Variants in VSIG8 observed in about 807,000 individuals in gnomAD.
VSIG8 encodes the protein V-set and immunoglobulin domain containing 8.
Under a neutral mutation model 42.6 loss-of-function variants are expected in VSIG8, and 32 were observed. The observed-to-expected ratio is 0.75, with a 90% CI of 0.57 to 1.01. VSIG8 has a LOEUF of 1.01. Among genes scored for constraint, VSIG8 ranks in the 50% least tolerant of loss-of-function variants. The probability of loss-of-function intolerance (pLI) is 0.00; values close to 1 mark genes in which losing one functional copy is unlikely to be tolerated. For synonymous variants in VSIG8, 290 were observed against 243.8 expected (o/e 1.19, Z -1.77); for missense variants, 529 against 558.0 (o/e 0.95, Z 0.52).
Position 159,856,062 on chromosome 1 carries a change from C to T in VSIG8, c.792G>A (p.Val264=). Residue 264 remains valine, a synonymous_variant, in exon 6 of 7, where the codon GTG becomes GTA. Transcript: ENST00000368100. ...GAGAGCCCAGGACGATGCCGATGATCACGCCTATACGCCGGGAGTCTGTGG... is the reference window on the plus strand; with the variant it reads ...GAGAGCCCAGGACGATGCCGATGATTACGCCTATACGCCGGGAGTCTGTGG... The part of the protein sequence containing the change: ...VKVSDSRRIG[V]IIGIVLGSLL... 6.2e-7 allele frequency: 1 copy of T among 1,612,040 alleles called. No homozygotes were observed. Among genetic ancestry groups the T allele is most frequent in the Non-Finnish European group, 8.5e-7 (1 of 1,179,300 alleles).
At chr1:159,855,597 A>G in intron 6 of VSIG8, 1 of 985,082 alleles carries the variant, frequency 1.0e-6, no homozygotes, top group Non-Finnish European at 1.2e-6. Flanking sequence ...AAACGTGAAA[A>G]AACATAGGCC....
At chr1:159,856,211 C>T in intron 5 of VSIG8, 130 bp from the exon 6 acceptor site, 1 of 934,086 alleles carries the variant, frequency 1.1e-6, no homozygotes, top group Non-Finnish European at 1.6e-6. Context: ...TCTCTTAGCC[C>T]TGGAACACCC....
At chr1:159,858,409 A>G in intron 2 of VSIG8, 118 bp from the exon 3 acceptor site, 1 of 1,029,464 alleles carries the variant, frequency 9.7e-7, no homozygotes, top group East Asian at 2.5e-5. Flanking sequence ...AGCTGAAAAA[A>G]TGAGAATAAT....
intron 6 of VSIG8, chr1:159,855,439 C>T: frequency 1.4e-6 from 2 of 1,416,712 alleles, no homozygotes; most frequent in African/African-American, 1.5e-5. Context: ...TCTTTCCCTC[C>T]ATCCCCGAGG....
chr1:159,858,463 TGA>T (rs1261562780), intron 2 of VSIG8, among the ~76,000 whole-genome samples, 172 bp from the exon 3 acceptor site: 6 of 152,152 alleles, frequency 3.9e-5, no homozygotes, highest in Admixed American at 3.9e-4. Flanking sequence ...TGAGATCAGG[TGA>T]GATCAAGCAC....
At chr1:159,855,128 G>A in intron 6 of VSIG8, 102 bp from the exon 7 acceptor site, 1 of 1,551,230 alleles carries the variant, frequency 6.4e-7, no homozygotes, top group Non-Finnish European at 8.7e-7. Flanking sequence ...CTTGTCTCCC[G>A]CGCCTCCCTC....
In VSIG8 at chr1:159,858,073, G is replaced by A; in HGVS notation, c.430+17C>T. 4 of 1,614,194 alleles carry A rather than the reference G, an allele frequency of 2.5e-6. No individual in the cohort carries two copies. Among genetic ancestry groups the A allele is most frequent in the East Asian group, 4.5e-5 (2 of 44,890 alleles). ...CTTAAGCCAGGGGGAGAGGAGCTTAGAGGAGTCTGGCCATACCTTGGACAG... is the reference window on the plus strand; with the variant it reads ...CTTAAGCCAGGGGGAGAGGAGCTTAAAGGAGTCTGGCCATACCTTGGACAG... On this transcript the variant is annotated intron_variant, in intron 3 of 6. Coordinates refer to ENST00000368100, the MANE Select transcript of VSIG8 (RefSeq NM_001013661.1).
intron 4 of VSIG8, 35 bp from the exon 5 acceptor site, chr1:159,856,678 G>A: frequency 6.2e-7 from 1 of 1,608,838 alleles, no homozygotes; most frequent in South Asian, 1.1e-5. Flanking sequence ...TGGTCTCTGA[G>A]AGCTCCCACC....
In VSIG8 at chr1:159,854,355, C is replaced by T. The variant is rs1160785841; in HGVS notation, c.*398G>A. 1.0e-5 allele frequency: 2 copies of T among 194,310 alleles called. No individual in the cohort carries two copies. The highest frequency in any genetic ancestry group is 2.1e-5 in the Non-Finnish European group (2 of 95,852). 12.0% of individuals were successfully genotyped at this position (194,310 alleles called of 1,614,324 possible). ...TTCTTTATTGTGCTAACACTGCTGC[C>T]TCAGAGCTCAGACCTCACACACAGA... On this transcript the variant is annotated 3_prime_UTR_variant, in exon 7 of 7. Coordinates refer to ENST00000368100, the MANE Select transcript of VSIG8 (RefSeq NM_001013661.1).
In VSIG8 at chr1:159,857,618, G is replaced by A. The variant is rs904507911; in HGVS notation, c.652+127C>T. ...TAGCAGCTGCTGGGGCAGGCCCAGA[G>A]GGAGGGTCTCCCACAGGGATTCCAG... On this transcript the variant is annotated intron_variant, in intron 4 of 6. Coordinates refer to ENST00000368100, the MANE Select transcript of VSIG8 (RefSeq NM_001013661.1). 6.9e-6 allele frequency: 5 copies of A among 719,796 alleles called. No homozygotes were observed. In the East Asian group the frequency reaches 1.1e-4, roughly 16 times the overall value. 44.6% of individuals were successfully genotyped at this position (719,796 alleles called of 1,614,324 possible).
rs988938755 is a variant in VSIG8, at chr1:159,862,638, G to A, written c.-117C>T. 2.9e-5 allele frequency: 27 copies of A among 939,038 alleles called. No individual in the cohort carries two copies. In the Middle Eastern group the frequency reaches 6.8e-4, roughly 24 times the overall value. 58.2% of individuals were successfully genotyped at this position (939,038 alleles called of 1,614,324 possible). ...TGAGGGCCCAGACACTGCCTGGGGTGGCAGGAAGGTGCAATGAGTGCCCAG... is the reference window on the plus strand; with the variant it reads ...TGAGGGCCCAGACACTGCCTGGGGTAGCAGGAAGGTGCAATGAGTGCCCAG... On this transcript the variant is annotated 5_prime_UTR_variant, in exon 1 of 7. Transcript: ENST00000368100.
chr1:159,855,847 G>T, intron 6 of VSIG8, 36 bp downstream of exon 6: 1 of 1,515,606 alleles, frequency 6.6e-7, no homozygotes, highest in East Asian at 2.4e-5. Flanking sequence ...CCGGTTCCCT[G>T]CCGCACAGCA....
Position 159,855,445 on chromosome 1 carries a change from C to G in VSIG8, c.972-419G>C, listed in dbSNP as rs568131403. 2.9e-5 allele frequency: 41 copies of G among 1,413,358 alleles called. No homozygotes were observed. In the South Asian group the frequency reaches 6.2e-4, roughly 21 times the overall value. 87.6% of individuals were successfully genotyped at this position (1,413,358 alleles called of 1,614,324 possible). A position where few individuals can be genotyped will look rare whatever the true frequency, so the allele number is the denominator to read the frequency against. ...TCTTCTCCATCTTTCCCTCCATCCC[C>G]GAGGCATTGCAATCATTAGCACTAC... On this transcript the variant is annotated intron_variant, in intron 6 of 6. Transcript: ENST00000368100.
At chr1:159,855,798 A>C in intron 6 of VSIG8, 85 bp downstream of exon 6, 2 of 1,447,930 alleles carry the variant, frequency 1.4e-6, no homozygotes, top group Non-Finnish European at 1.8e-6. Flanking sequence ...TGGGGGGCCC[A>C]GCCGGCCGGT....
intron 1 of VSIG8, chr1:159,861,476 C>G (rs963201421): frequency 7.9e-5 from 12 of 152,120 alleles, no homozygotes; most frequent in African/African-American, 2.9e-4. Context: ...AGTCCGGGTC[C>G]CCACAGCACA....
Position 159,854,945 on chromosome 1 carries a change from G to T in VSIG8, c.1053C>A (p.Asn351Lys), listed in dbSNP as rs1648758693. Residue 351 changes from asparagine to lysine, a missense_variant, in exon 7 of 7, where the codon AAC becomes AAA. Physicochemically the swap from Asn to Lys is moderately conservative, Grantham distance 94 (BLOSUM62 0). Coordinates refer to ENST00000368100, the MANE Select transcript of VSIG8 (RefSeq NM_001013661.1). Reference protein sequence around the residue: ...VTHLLGYPTQNVSRSLRRKYA... With the variant: ...VTHLLGYPTQKVSRSLRRKYA... Reference sequence around the variant, plus strand: ...ACTTGCGGCGCAGGGAGCGGCTGACGTTCTGCGTCGGGTACCCCAGGAGGT... The same window carrying T: ...ACTTGCGGCGCAGGGAGCGGCTGACTTTCTGCGTCGGGTACCCCAGGAGGT... 1 of 1,531,064 alleles carries T rather than the reference G, an allele frequency of 6.5e-7. No homozygotes were observed. The highest frequency in any genetic ancestry group is 2.6e-5 in the East Asian group (1 of 39,108). The allele number at this position is 1,531,064 out of a possible 1,614,324, so 94.8% of individuals were successfully genotyped here.
At chr1:159,862,415 C>CCCTT in intron 1 of VSIG8, 58 bp downstream of exon 1, 1 of 1,546,294 alleles carries the variant, frequency 6.5e-7, no homozygotes, top group Non-Finnish European at 8.8e-7. Flanking sequence ...CCCTTGCTGC[C>CCCTT]CCTTTCCTTC....
In VSIG8 at chr1:159,855,980, CGCA is replaced by C. The variant is rs774629452; in HGVS notation, c.871_873del (p.Cys291del). The stretch of plus-strand genomic sequence containing the variant: ...CGGGCGCCGCCAGCCCCGGAGCCCC[CGCA>C]GCAGCAGCAGACGAGCCCCCAGATG... On this transcript the variant is annotated inframe_deletion, in exon 6 of 7. Coordinates refer to ENST00000368100, the MANE Select transcript of VSIG8 (RefSeq NM_001013661.1). 15 of 1,600,644 alleles carry C rather than the reference CGCA, an allele frequency of 9.4e-6. No individual in the cohort carries two copies. Among genetic ancestry groups the C allele is most frequent in the Admixed American group, 1.7e-5 (1 of 58,270 alleles).
chr1:159,862,545 C>A lies in VSIG8; in HGVS notation c.-24G>T. On this transcript the variant is annotated 5_prime_UTR_variant, in exon 1 of 7. Transcript: ENST00000368100. ...ATGTCTCTAGGCTCGGTGTTTCCTC[C>A]GTCTGGGCTGGGTATCCCGTGGGGT... 1 of 1,608,736 alleles carries A rather than the reference C, an allele frequency of 6.2e-7. No homozygotes were observed. Among genetic ancestry groups the A allele is most frequent in the Non-Finnish European group, 8.5e-7 (1 of 1,176,906 alleles).
Sources: allele counts gnomAD v4.1 joint callset (sites outside exome capture counted in the v4.1 genomes callset), GRCh38; gene constraint gnomAD v4.1.1; transcripts MANE v1.5; gene names NCBI Gene and HGNC (gene_info 2026-07-23, HGNC 2026-07-21).